RIIAD1: variants seen among roughly 807,000 people sequenced by gnomAD.
RIIAD1 encodes the protein RIIa domain-containing protein 1.
In RIIAD1, 15 loss-of-function variants were observed where a neutral mutation model predicts 13.3. That is an observed-to-expected ratio of 1.13 (90% CI 0.76 to 1.74). RIIAD1 has a LOEUF of 1.74. RIIAD1 is among the 40% of genes most tolerant of loss of function. The pLI, the probability that RIIAD1 is intolerant of heterozygous loss-of-function variation, is 0.00. For missense variants in RIIAD1, 121 were observed against 112.2 expected (o/e 1.08, Z -0.35); for synonymous variants, 50 against 43.3 (o/e 1.16, Z -0.61).
At chr1:151,716,680 A>G (rs1004605733), upstream of RIIAD1, 3 of 51,940 alleles carry the variant, frequency 5.8e-5, no homozygotes, top group East Asian at 1.4e-3. Context: ...CCCCCCTCCC[A>G]CCCCCACCCC....
At chr1:151,715,688 T>G in intron 4 of RIIAD1, 1 of 1,532,806 alleles carries the variant, frequency 6.5e-7, no homozygotes, top group South Asian at 1.2e-5. Flanking sequence ...CCCTCCTTAG[T>G]CCTTCACCGG....
At chr1:151,716,702 C>T (rs1571943260), upstream of RIIAD1, 1 of 444,948 alleles carries the variant, frequency 2.2e-6, no homozygotes, top group East Asian at 7.8e-5. Flanking sequence ...GTCCCCGGGC[C>T]TGGGCTGCTG....
Position 151,721,525 on chromosome 1 carries a change from G to A in RIIAD1, c.-12G>A. ...CCGGCTCGCGGCCGGTCGCCTTGAC[G>A]ACCGCAGCAAGATGGAGACGCTGCC... On this transcript the variant is annotated 5_prime_UTR_variant, in exon 1 of 5. Coordinates refer to ENST00000479191, the MANE Select transcript of RIIAD1 (RefSeq NM_001144956.3). The A allele has an allele frequency of 7.6e-7, 1 of 1,308,394 alleles. No individual in the cohort carries two copies. The highest frequency in any genetic ancestry group is 9.7e-7 in the Non-Finnish European group (1 of 1,027,346). The allele number at this position is 1,308,394 out of a possible 1,614,324, so 81.0% of individuals were successfully genotyped here.
At chr1:151,717,602 A>C (rs1571945228), upstream of RIIAD1, among the ~76,000 whole-genome samples, 1 of 152,126 alleles carries the variant, frequency 6.6e-6, no homozygotes, top group Non-Finnish European at 1.5e-5. Context: ...GCTCATGCGT[A>C]GCAGGAGCTT....
upstream of RIIAD1, chr1:151,716,570 G>A (rs1275215394): frequency 2.9e-6 from 1 of 343,668 alleles, no homozygotes; most frequent in Non-Finnish European, 5.9e-6. Context: ...TCCTTCTGCT[G>A]GGTCCGAAGA....
At chr1:151,725,265 C>T (rs1673807707) in intron 2 of RIIAD1, among the ~76,000 whole-genome samples, 1 of 151,954 alleles carries the variant, frequency 6.6e-6, no homozygotes, top group Admixed American at 6.6e-5. Flanking sequence ...TGCCTGCCAC[C>T]AGGCCCGGCT....
intron 4 of RIIAD1, among the ~76,000 whole-genome samples, chr1:151,715,292 G>C (rs1347534177): frequency 6.6e-6 from 1 of 151,942 alleles, no homozygotes; most frequent in Non-Finnish European, 1.5e-5. Flanking sequence ...ATAGGCCTGA[G>C]GAGCACCCTC....
chr1:151,720,399 C>T (rs922437816), upstream of RIIAD1, among the ~76,000 whole-genome samples: 7 of 152,154 alleles, frequency 4.6e-5, no homozygotes, highest in African/African-American at 1.7e-4. Context: ...CTCTCTCACT[C>T]TATTAACTCT....
rs1319424115 is a variant in RIIAD1, at chr1:151,712,564, A to AC, written c.-186+572dup. Among the ~76,000 whole-genome samples, 11 of 151,696 alleles carry AC rather than the reference A, an allele frequency of 7.3e-5. No individual in the cohort carries two copies. The East Asian group carries it at 2.1e-3, about 30-fold the overall frequency. ...AGGGGGAAGAGCTGGACAGAGGGCA[A>AC]CCCCCACTCCACCACCTCCATGATG... On this transcript the variant is annotated intron_variant, in intron 2 of 8. Transcript: ENST00000326413.
chr1:151,728,168 G>A (rs1192549438), intron 3 of RIIAD1, among the ~76,000 whole-genome samples: 1 of 152,182 alleles, frequency 6.6e-6, no homozygotes, highest in Non-Finnish European at 1.5e-5. Flanking sequence ...TCAAACCATT[G>A]CTAACAGAAT....
exon 4 of RIIAD1, chr1:151,714,523 G>C: frequency 1.9e-6 from 2 of 1,078,042 alleles, no homozygotes; most frequent in Non-Finnish European, 2.8e-6. Flanking sequence ...TCAGTGTCAG[G>C]AGGGTGGTGA....
upstream of RIIAD1, chr1:151,719,535 G>C (rs1261044346): frequency 3.0e-6 from 2 of 664,538 alleles, no homozygotes; most frequent in Admixed American, 4.7e-5. Context: ...AAAATGTGGT[G>C]GTATGTGTGG....
At chr1:151,713,022 A>T (rs1381384160) in intron 2 of RIIAD1, among the ~76,000 whole-genome samples, 1 of 152,198 alleles carries the variant, frequency 6.6e-6, no homozygotes, top group African/African-American at 2.4e-5. Context: ...GGTCACAGAC[A>T]TCTGCTCCCC....
rs530645980 is a variant in RIIAD1, at chr1:151,712,722, C to T, written c.-186+725C>T. ...CCATTCTTTCTCTTTCCCTCTGCAG[C>T]CCAAAATATCACCCTAGTATGGTAG... On this transcript the variant is annotated intron_variant, in intron 2 of 8. Coordinates refer to the RIIAD1 transcript ENST00000326413. Among the ~76,000 whole-genome samples the T allele has an allele frequency of 9.2e-5, 14 of 152,302 alleles. No individual in the cohort carries two copies. In the South Asian group the frequency reaches 2.9e-3, roughly 32 times the overall value.
chr1:151,722,083 C>G lies in RIIAD1; in HGVS notation c.85-3C>G. ...GAAGTGACCCTTTGTTCTTGCCCCC[C>G]AGATTCAGACTCGGATTGCTAACGA... On this transcript the variant is annotated splice_polypyrimidine_tract_variant and splice_region_variant and intron_variant, in intron 1 of 4. Coordinates refer to ENST00000479191, the MANE Select transcript of RIIAD1 (RefSeq NM_001144956.3). The G allele has an allele frequency of 3.2e-6, 5 of 1,548,670 alleles. No individual in the cohort carries two copies. The highest frequency in any genetic ancestry group is 4.4e-6 in the Non-Finnish European group (5 of 1,144,298).
At chr1:151,725,737 G>A (rs764999712) in intron 2 of RIIAD1, among the ~76,000 whole-genome samples, 1 of 152,102 alleles carries the variant, frequency 6.6e-6, no homozygotes, top group Non-Finnish European at 1.5e-5. Flanking sequence ...TTGCTCAGTC[G>A]TATCTTGTAG....
chr1:151,714,435 T>G, exon 4 of RIIAD1: 1 of 697,624 alleles, frequency 1.4e-6, no homozygotes, highest in South Asian at 1.6e-5. Flanking sequence ...AAGAAATGCA[T>G]GCATCTACAG....
Position 151,727,217 on chromosome 1 carries a change from G to A in RIIAD1, c.162-358G>A, listed in dbSNP as rs190366934. On this transcript the variant is annotated intron_variant, in intron 2 of 4. Transcript: ENST00000479191. ...CTCTTGAGCCAGGGAGGTTGATCGCGCCACTGTACTCCAGGCTGGGTGACA... is the reference window on the plus strand; with the variant it reads ...CTCTTGAGCCAGGGAGGTTGATCGCACCACTGTACTCCAGGCTGGGTGACA... 2.4e-3 allele frequency among the ~76,000 whole-genome samples: 372 copies of A among 152,228 alleles called. 1 individual carries two copies. Among genetic ancestry groups the A allele is most frequent in the African/African-American group, 8.5e-3 (355 of 41,528 alleles).
chr1:151,714,728 C>G (rs776141970), intron 4 of RIIAD1: 1 of 1,281,716 alleles, frequency 7.8e-7, no homozygotes, highest in Admixed American at 2.0e-5. Context: ...TCCTCCATCT[C>G]CCCTCTCTGA....
Sources: gnomAD v4.1 joint callset for allele counts (sites outside exome capture counted in the v4.1 genomes callset) on GRCh38, gnomAD v4.1.1 for gene constraint, MANE v1.5 for transcripts, NCBI Gene and HGNC (gene_info 2026-07-23, HGNC 2026-07-21) for gene names.